ATP10A: variants seen among roughly 807,000 people sequenced by gnomAD.
ATP10A encodes ATPase phospholipid transporting 10A (putative).
Under a neutral mutation model 147.8 loss-of-function variants are expected in ATP10A, and 111 were observed. The observed-to-expected ratio is 0.75, with a 90% CI of 0.64 to 0.88. The LOEUF (loss-of-function observed/expected upper bound fraction) is 0.88, where lower values mean the gene tolerates loss of function less well. ATP10A is among the 40% of genes least tolerant of loss of function. The pLI is 0.00. For missense variants in ATP10A, 1,927 were observed against 1,959.0 expected (o/e 0.98, Z 0.31); for synonymous variants, 875 against 841.6 (o/e 1.04, Z -0.69).
intron 2 of ATP10A, among the ~76,000 whole-genome samples, chr15:25,763,881 TA>T (rs1888888120): frequency 6.6e-6 from 1 of 152,226 alleles, no homozygotes; most frequent in Non-Finnish European, 1.5e-5. Context: ...CATTTTTTTG[TA>T]AAAGATAACC....
chr15:25,742,997 G>T (rs1405784695), intron 2 of ATP10A, among the ~76,000 whole-genome samples: 1 of 152,186 alleles, frequency 6.6e-6, no homozygotes, highest in Non-Finnish European at 1.5e-5. Context: ...TTTTGGGTGT[G>T]AACGTGTCAT....
chr15:25,803,940 CAT>C (rs533219503), intron 1 of ATP10A, among the ~76,000 whole-genome samples: 8 of 152,326 alleles, frequency 5.3e-5, no homozygotes, highest in South Asian at 4.1e-4. Context: ...GAGGTATTCA[CAT>C]GAGTGTGTGT....
downstream of ATP10A, among the ~76,000 whole-genome samples, chr15:25,676,840 T>C (rs1899147386): frequency 1.3e-5 from 2 of 152,144 alleles, no homozygotes; most frequent in African/African-American, 2.4e-5. Context: ...AGAATGCATG[T>C]CTTGTCATAT....
chr15:25,742,941 C>T (rs1387624125), intron 2 of ATP10A, among the ~76,000 whole-genome samples: 3 of 152,234 alleles, frequency 2.0e-5, no homozygotes, highest in African/African-American at 7.2e-5. Flanking sequence ...CTTAGTGCCT[C>T]TTCCATCACT....
intron 16 of ATP10A, among the ~76,000 whole-genome samples, chr15:25,686,265 T>C (rs1899710907): frequency 2.2e-5 from 1 of 45,968 alleles, no homozygotes; most frequent in Non-Finnish European, 3.3e-5. Flanking sequence ...AGAAAAACAA[T>C]TAAGAACATG....
chr15:25,855,289 A>G (rs536194071), intron 1 of ATP10A, among the ~76,000 whole-genome samples: 35 of 152,290 alleles, frequency 2.3e-4, no homozygotes, highest in African/African-American at 8.4e-4. Flanking sequence ...ACCATGACCA[A>G]GTAAGTTTTA....
At chr15:25,862,267 G>C (rs1893794517) in intron 1 of ATP10A, 1 of 485,884 alleles carries the variant, frequency 2.1e-6, no homozygotes, top group Admixed American at 2.3e-5. Flanking sequence ...CCTGGCCGAA[G>C]ACTGAGGCAG....
intron 1 of ATP10A, among the ~76,000 whole-genome samples, chr15:25,784,198 T>A (rs1035562190): frequency 1.3e-5 from 2 of 152,188 alleles, no homozygotes; most frequent in African/African-American, 2.4e-5. Context: ...AGTTTCCCAA[T>A]GCTCAGTCAC....
chr15:25,845,316 GTGTGTT>G (rs1201974591), intron 1 of ATP10A, among the ~76,000 whole-genome samples: 293 of 85,984 alleles, frequency 3.4e-3, no homozygotes, highest in African/African-American at 0.012. Context: ...CGGACCGTTT[GTGTGTT>G]TGTGTGTGTG....
At chr15:25,751,972 C>A (rs977119695) in intron 2 of ATP10A, among the ~76,000 whole-genome samples, 1 of 132,564 alleles carries the variant, frequency 7.5e-6, no homozygotes, top group Non-Finnish European at 1.5e-5. Context: ...GATTTGCTAT[C>A]CTACCTGTCA....
rs1169909766 is a variant in ATP10A at position 25,708,264 on chromosome 15, C to T, written c.2381G>A (p.Ser794Asn). Residue 794 changes from serine to asparagine, a missense_variant, in exon 11 of 21, where the codon AGC (serine) becomes AAC (asparagine). By Grantham distance (46) the Ser-to-Asn change is conservative. Coordinates refer to ENST00000555815, the MANE Select transcript of ATP10A (RefSeq NM_024490.4). ...CACGTTGAGGTAATTCTGAGTTTTG[C>T]TCCGAATCTTTTTTTGATGCCTCCC... ...ARGRHQKKIR[S>N]KTQNYLNVYA... 6.2e-7 allele frequency: 1 copy of T among 1,614,192 alleles called. No homozygotes were observed. The highest frequency in any genetic ancestry group is 8.5e-7 in the Non-Finnish European group (1 of 1,180,032).
At chr15:25,831,179 C>G (rs1256705053) in intron 1 of ATP10A, among the ~76,000 whole-genome samples, 2 of 152,230 alleles carry the variant, frequency 1.3e-5, no homozygotes, top group Non-Finnish European at 2.9e-5. Flanking sequence ...AGGACCGCTG[C>G]CCATACCCTC....
At chr15:25,832,142 A>C (rs1463574755) in intron 1 of ATP10A, among the ~76,000 whole-genome samples, 1 of 152,158 alleles carries the variant, frequency 6.6e-6, no homozygotes, top group Non-Finnish European at 1.5e-5. Context: ...AAGACAGGGG[A>C]CGTAAGGACT....
In ATP10A at chr15:25,687,748, G is replaced by A. The variant is rs1401133696; in HGVS notation, c.3246C>T (p.Tyr1082=). The part of the protein sequence containing the change: ...RLLILHGHWC[Y]SRLANMVLYF... Reference sequence around the variant, plus strand: ...ACAGCACCATGTTGGCAAGTCGGGAGTAGCACCAATGCCCGTGAAGAATCA... The same window carrying A: ...ACAGCACCATGTTGGCAAGTCGGGAATAGCACCAATGCCCGTGAAGAATCA... Residue 1082 remains tyrosine, a synonymous_variant, in exon 16 of 21, where the codon TAC becomes TAT. Transcript: ENST00000555815. The A allele has an allele frequency of 1.2e-6, 2 of 1,612,620 alleles. No individual in the cohort carries two copies. Among genetic ancestry groups the A allele is most frequent in the African/African-American group, 2.7e-5 (2 of 74,892 alleles).
chr15:25,780,956 G>A (rs1889889215), intron 2 of ATP10A, 63 bp downstream of exon 2: 4 of 1,520,150 alleles, frequency 2.6e-6, no homozygotes, highest in African/African-American at 1.4e-5. Flanking sequence ...GCCCCAGAAG[G>A]CTGTCATGGG....
chr15:25,729,708 C>T (rs149818514), intron 3 of ATP10A, among the ~76,000 whole-genome samples: 311 of 152,328 alleles, frequency 2.0e-3, no homozygotes, highest in Non-Finnish European at 3.5e-3. Context: ...GTGCTAGCCT[C>T]TGCCTGAGGT....
At chr15:25,803,448 T>G (rs921931983) in intron 1 of ATP10A, among the ~76,000 whole-genome samples, 17 of 152,198 alleles carry the variant, frequency 1.1e-4, no homozygotes, top group African/African-American at 3.6e-4. Context: ...AAGGACTGAA[T>G]GGCTAGGACA....
In ATP10A at chr15:25,863,161, A is replaced by C. The variant is rs897061007; in HGVS notation, c.-65T>G. 5 of 1,053,312 alleles carry C rather than the reference A, an allele frequency of 4.7e-6. No homozygotes were observed. The African/African-American group carries it at 8.5e-5, about 18-fold the overall frequency. The allele number at this position is 1,053,312 out of a possible 1,614,324, so 65.2% of individuals were successfully genotyped here. A position where few individuals can be genotyped will look rare whatever the true frequency, so the allele number is the denominator to read the frequency against. On this transcript the variant is annotated 5_prime_UTR_variant, in exon 1 of 21. Transcript: ENST00000555815. ...CCCGCCCGCGCCGGCCTCTTAGGTTATCATCACTCGCGGCCCGGGCGCGGC... is the reference window on the plus strand; with the variant it reads ...CCCGCCCGCGCCGGCCTCTTAGGTTCTCATCACTCGCGGCCCGGGCGCGGC...
In ATP10A at chr15:25,839,971, G is replaced by A. The variant is rs79087283; in HGVS notation, c.449+22677C>T. 3.3e-3 allele frequency among the ~76,000 whole-genome samples: 509 copies of A among 152,138 alleles called. 2 individuals carry two copies. Among genetic ancestry groups the A allele is most frequent in the African/African-American group, 0.012 (478 of 41,486 alleles). ...TCTGTGCAGTTTCTCAACCACAACC[G>A]AAATAGTACCCACACACAATCAAGA... On this transcript the variant is annotated intron_variant, in intron 1 of 20. Coordinates refer to ENST00000555815, the MANE Select transcript of ATP10A (RefSeq NM_024490.4).
Sources: gnomAD v4.1 joint callset for allele counts (sites outside exome capture counted in the v4.1 genomes callset) on GRCh38, gnomAD v4.1.1 for gene constraint, MANE v1.5 for transcripts, NCBI Gene and HGNC (gene_info 2026-07-23, HGNC 2026-07-21) for gene names.